The following HIPK2 variants were observed in gnomAD, a reference collection of about 807,000 sequenced individuals.
HIPK2 encodes the protein homeodomain-interacting protein kinase 2.
A neutral mutation model predicts 113.7 loss-of-function variants in HIPK2; 27 were observed. The ratio of observed to expected loss-of-function variants is 0.24; its 90% CI spans 0.17 to 0.33. The LOEUF is 0.33. Ranked by LOEUF, HIPK2 falls within the 10% of genes least tolerant of loss-of-function variation. The pLI is 1.00. For missense variants in HIPK2, 1,257 were observed against 1,588.0 expected (o/e 0.79, Z 3.54); for synonymous variants, 631 against 642.2 (o/e 0.98, Z 0.26).
chr7:139,577,963 G>A (rs912922916), intron 13 of HIPK2, among the ~76,000 whole-genome samples: 1 of 152,032 alleles, frequency 6.6e-6, no homozygotes, highest in Non-Finnish European at 1.5e-5. Flanking sequence ...TGATTCTCGT[G>A]CCTCAACCTC....
chr7:139,603,999 C>T, intron 10 of HIPK2, 82 bp downstream of exon 10: 2 of 1,586,680 alleles, frequency 1.3e-6, no homozygotes, highest in Non-Finnish European at 1.7e-6. Context: ...AAGTACAGGC[C>T]AGCCTGGCAG....
rs1288017591 is a variant in HIPK2 at position 139,696,553 on chromosome 7, A to G, written c.1103+19379T>C. On this transcript the variant is annotated intron_variant, in intron 2 of 14. Transcript: ENST00000406875. ...AGCTGCGAGTGCACCACTATACTTT[A>G]GCCAGGGTGACTGAATGAGACCCTG... Among the ~76,000 whole-genome samples the G allele has an allele frequency of 5.3e-5, 8 of 150,194 alleles. No individual in the cohort carries two copies. In the East Asian group the frequency reaches 1.6e-3, roughly 30 times the overall value.
chr7:139,663,763 T>C (rs1466065325), intron 2 of HIPK2, among the ~76,000 whole-genome samples: 1 of 152,232 alleles, frequency 6.6e-6, no homozygotes, highest in African/African-American at 2.4e-5. Context: ...CTTGAGACTT[T>C]AGCACTCTCC....
chr7:139,590,643 TTA>T (rs1705245803), intron 12 of HIPK2, among the ~76,000 whole-genome samples: 1 of 152,184 alleles, frequency 6.6e-6, no homozygotes, highest in Admixed American at 6.5e-5. Flanking sequence ...TTAAAGTGCT[TTA>T]TATGTTTATC....
Position 139,762,522 on chromosome 7 carries a change from T to C in HIPK2, c.19+15083A>G, listed in dbSNP as rs575348885. On this transcript the variant is annotated intron_variant, in intron 1 of 14. Transcript: ENST00000406875. ...ACACCAGATATACCTGTTCGCAGAG[T>C]GTCTGTCTCAGAATCACCCTTTGAC... is the stretch of plus-strand genomic sequence containing the variant. 8.2e-4 allele frequency among the ~76,000 whole-genome samples: 125 copies of C among 152,248 alleles called. 1 individual carries two copies. The highest frequency in any genetic ancestry group is 2.8e-3 in the African/African-American group (116 of 41,538).
intron 2 of HIPK2, among the ~76,000 whole-genome samples, chr7:139,684,710 G>A (rs745908697): frequency 3.3e-5 from 5 of 152,156 alleles, no homozygotes; most frequent in Non-Finnish European, 7.4e-5. Flanking sequence ...GAGAGAGACT[G>A]TCTTAATAAC....
At chr7:139,586,454 G>A (rs1798833494) in intron 12 of HIPK2, among the ~76,000 whole-genome samples, 2 of 152,078 alleles carry the variant, frequency 1.3e-5, no homozygotes, top group Admixed American at 6.6e-5. Flanking sequence ...TATCCATACA[G>A]TGGAATACTA....
chr7:139,593,777 A>T, intron 12 of HIPK2, among the ~76,000 whole-genome samples: 1 of 152,242 alleles, frequency 6.6e-6, no homozygotes, highest in African/African-American at 2.4e-5. Context: ...AGCATGGAGA[A>T]ATCAGGCTCG....
intron 1 of HIPK2, among the ~76,000 whole-genome samples, chr7:139,760,255 C>T (rs757878228): frequency 6.6e-6 from 1 of 152,152 alleles, no homozygotes; most frequent in Admixed American, 6.5e-5. Flanking sequence ...CCGCCCACCT[C>T]GGCCTCCCAA....
intron 1 of HIPK2, among the ~76,000 whole-genome samples, chr7:139,747,343 G>A (rs1430439099): frequency 3.3e-5 from 5 of 152,172 alleles, no homozygotes; most frequent in African/African-American, 1.2e-4. Context: ...TTCGGAGAAG[G>A]TGGTCTGCAT....
chr7:139,691,528 C>G (rs926970247), intron 2 of HIPK2, among the ~76,000 whole-genome samples: 5 of 152,258 alleles, frequency 3.3e-5, no homozygotes, highest in Non-Finnish European at 7.3e-5. Context: ...TCTGACCTGG[C>G]ACTGCTGCAT....
chr7:139,747,742 C>T (rs1049315668), intron 1 of HIPK2, among the ~76,000 whole-genome samples: 1 of 152,242 alleles, frequency 6.6e-6, no homozygotes, highest in African/African-American at 2.4e-5. Context: ...GATATCCAGG[C>T]ACCCCCGGTT....
At chr7:139,715,607 G>A (rs1203631830) in intron 2 of HIPK2, among the ~76,000 whole-genome samples, 1 of 152,138 alleles carries the variant, frequency 6.6e-6, no homozygotes, top group Non-Finnish European at 1.5e-5. Context: ...TGCGGACTGT[G>A]GATGGCACAT....
rs372137529 is a variant in HIPK2 at position 139,566,349 on chromosome 7, T to C, written c.*6578A>G. 6.6e-6 allele frequency: 1 copy of C among 152,256 alleles called. No individual in the cohort carries two copies. The highest frequency in any genetic ancestry group is 1.5e-5 in the Non-Finnish European group (1 of 68,084). The allele number at this position is 152,256 out of a possible 1,614,324, so 9.4% of individuals were successfully genotyped here. Reference sequence around the variant, plus strand: ...TGTGGCTCTGGGCAGTTTCCTTGGCTGTAGGGGGACTAATATTGCCGATCT... The same window carrying C: ...TGTGGCTCTGGGCAGTTTCCTTGGCCGTAGGGGGACTAATATTGCCGATCT... On this transcript the variant is annotated 3_prime_UTR_variant, in exon 15 of 15. Coordinates refer to ENST00000406875, the MANE Select transcript of HIPK2 (RefSeq NM_022740.5). This position sits in a 1 kb window ranked among gnomAD's most constrained non-coding sequence, Gnocchi z 4.1.
At chr7:139,775,418 AC>A (rs1796723032) in intron 1 of HIPK2, among the ~76,000 whole-genome samples, 1 of 152,178 alleles carries the variant, frequency 6.6e-6, no homozygotes, top group Admixed American at 6.5e-5. Context: ...TTTCAAAAAC[AC>A]CCAGATCTGG....
At chr7:139,625,431 T>C (rs1284378888) in intron 6 of HIPK2, among the ~76,000 whole-genome samples, 1 of 152,246 alleles carries the variant, frequency 6.6e-6, no homozygotes, top group African/African-American at 2.4e-5. Flanking sequence ...TAACCAGCTA[T>C]TCCCTTGCTG....
chr7:139,607,178 T>C (rs1799647879), intron 9 of HIPK2, among the ~76,000 whole-genome samples: 1 of 151,906 alleles, frequency 6.6e-6, no homozygotes, highest in Non-Finnish European at 1.5e-5. Flanking sequence ...TCTTAGAAAG[T>C]AGTGCAGACA....
intron 2 of HIPK2, among the ~76,000 whole-genome samples, chr7:139,682,390 A>G (rs1039830150): frequency 3.9e-5 from 6 of 152,266 alleles, no homozygotes; most frequent in Non-Finnish European, 7.4e-5. Flanking sequence ...ACCTGTAACT[A>G]TACATGTGCA....
intron 2 of HIPK2, among the ~76,000 whole-genome samples, chr7:139,668,284 G>C (rs192511287): frequency 8.5e-5 from 13 of 152,066 alleles, no homozygotes; most frequent in African/African-American, 3.1e-4. Context: ...TTTACTGGCC[G>C]AGTGCAGTGG....
Sources: gnomAD v4.1 joint callset for allele counts (sites outside exome capture counted in the v4.1 genomes callset) on GRCh38, gnomAD v4.1.1 for gene constraint, Gnocchi (gnomAD v3.1) non-coding constraint, MANE v1.5 for transcripts, NCBI Gene and HGNC (gene_info 2026-07-23, HGNC 2026-07-21) for gene names.